Variants in DSE observed in about 807,000 individuals in gnomAD.
DSE encodes the protein dermatan sulfate epimerase, also known as dermatan-sulfate epimerase.
DSE carries 36 observed loss-of-function variants against 84.4 expected under a neutral mutation model. The observed-to-expected ratio is 0.43, with a 90% CI of 0.33 to 0.56. The LOEUF (loss-of-function observed/expected upper bound fraction) is 0.56. DSE is among the 20% of genes least tolerant of loss of function. The probability of loss-of-function intolerance (pLI) is 0.06; values close to 1 mark genes in which losing one functional copy is unlikely to be tolerated. For missense variants in DSE, 862 were observed against 1,169.6 expected, an observed-to-expected ratio of 0.74 and a Z score of 3.84; for synonymous variants, 410 against 430.1, an observed-to-expected ratio of 0.95 and a Z score of 0.58.
chr6:116,388,609 C>T (rs951461607), intron 1 of DSE, among the ~76,000 whole-genome samples: 1 of 152,166 alleles, frequency 6.6e-6, no homozygotes, highest in African/African-American at 2.4e-5. Flanking sequence ...AGATAATATA[C>T]ATTGGCATTT....
intron 4 of DSE, among the ~76,000 whole-genome samples, chr6:116,431,915 C>A (rs1783865342): frequency 6.6e-6 from 1 of 152,124 alleles, no homozygotes; most frequent in African/African-American, 2.4e-5. Flanking sequence ...AGATTCCCCC[C>A]CTTCCCCAAG....
rs186822025 is a variant in DSE, at chr6:116,334,035, C to T, written c.-53-65163C>T. Among the ~76,000 whole-genome samples, 121 of 152,312 alleles carry T rather than the reference C, an allele frequency of 7.9e-4. 1 individual carries two copies. Among genetic ancestry groups the T allele is most frequent in the Non-Finnish European group, 1.0e-3 (70 of 68,028 alleles). On this transcript the variant is annotated intron_variant, in intron 2 of 3. Coordinates refer to the DSE transcript ENST00000430252. ...GTTTGACTCTTTGCTATACTGATCTCTCTCCTAGATGCTTTATTTTAATGT... is the reference window on the plus strand; with the variant it reads ...GTTTGACTCTTTGCTATACTGATCTTTCTCCTAGATGCTTTATTTTAATGT...
chr6:116,421,342 A>C (rs1445333870), intron 2 of DSE, among the ~76,000 whole-genome samples: 2 of 150,418 alleles, frequency 1.3e-5, no homozygotes, highest in Non-Finnish European at 3.0e-5. Context: ...AAAACTGAGA[A>C]GTTTGAAACA....
chr6:116,279,585 C>G, intron 2 of DSE: 2 of 1,602,296 alleles, frequency 1.2e-6, no homozygotes, highest in South Asian at 1.1e-5. Flanking sequence ...CAACTCGGAT[C>G]TGGGGAGTAC....
At chr6:116,365,512 C>G (rs1284917117), upstream of DSE, among the ~76,000 whole-genome samples, 1 of 152,158 alleles carries the variant, frequency 6.6e-6, no homozygotes, top group Non-Finnish European at 1.5e-5. Flanking sequence ...CTCGGCCTCC[C>G]AAAGTGCTGG....
chr6:116,280,509 T>C (rs550168663), intron 2 of DSE, among the ~76,000 whole-genome samples: 14 of 152,340 alleles, frequency 9.2e-5, no homozygotes, highest in Non-Finnish European at 1.6e-4. Context: ...TCGGTAGAAA[T>C]TAAGCCAGGA....
chr6:116,361,385 A>G lies in DSE; in HGVS notation c.-53-37813A>G, dbSNP rs531646657. ...AATATAAGTTTTAACATCAAGAAATACCCATAGCTTCTTAGTTTATATGGC... is the reference window on the plus strand; with the variant it reads ...AATATAAGTTTTAACATCAAGAAATGCCCATAGCTTCTTAGTTTATATGGC... On this transcript the variant is annotated intron_variant, in intron 2 of 3. Coordinates refer to the DSE transcript ENST00000430252. Among the ~76,000 whole-genome samples, 29 of 152,238 alleles carry G rather than the reference A, an allele frequency of 1.9e-4. 1 individual carries two copies. The South Asian group carries it at 2.9e-3, about 15-fold the overall frequency.
chr6:116,320,103 A>G (rs1776211678), intron 2 of DSE, among the ~76,000 whole-genome samples: 1 of 152,222 alleles, frequency 6.6e-6, no homozygotes, highest in South Asian at 2.1e-4. Context: ...TGTTGGCCAA[A>G]TATGGGTTTT....
At chr6:116,332,838 A>T (rs183769231) in intron 2 of DSE, among the ~76,000 whole-genome samples, 7 of 152,312 alleles carry the variant, frequency 4.6e-5, no homozygotes, top group African/African-American at 1.4e-4. Flanking sequence ...ATCAATATAT[A>T]AAAAAATCCA....
intron 2 of DSE, among the ~76,000 whole-genome samples, chr6:116,318,508 A>C (rs1776122111): frequency 1.0e-4 from 1 of 9,768 alleles, no homozygotes; most frequent in Non-Finnish European, 5.8e-4. Context: ...TCTCAAAAGA[A>C]AAAAAAAAAA....
At chr6:116,373,074 G>T (rs1334794121) in intron 1 of DSE, among the ~76,000 whole-genome samples, 6 of 149,148 alleles carry the variant, frequency 4.0e-5, no homozygotes, top group Admixed American at 3.3e-4. Flanking sequence ...AAAAAAAAGG[G>T]CTGGGTGCGG....
At chr6:116,368,161 T>C (rs978308435), upstream of DSE, among the ~76,000 whole-genome samples, 3 of 152,166 alleles carry the variant, frequency 2.0e-5, 1 homozygote, top group South Asian at 6.2e-4. Flanking sequence ...TTCCTAATCC[T>C]TCAGCTAAGG....
chr6:116,311,499 A>G (rs1775693590), intron 2 of DSE, among the ~76,000 whole-genome samples: 1 of 152,228 alleles, frequency 6.6e-6, no homozygotes, highest in Non-Finnish European at 1.5e-5. Context: ...TTTTGCTTGT[A>G]ACAACAAAAA....
chr6:116,323,056 C>T (rs1202726178), intron 2 of DSE, among the ~76,000 whole-genome samples: 3 of 152,086 alleles, frequency 2.0e-5, no homozygotes, highest in African/African-American at 7.2e-5. Flanking sequence ...CAGTATTTTG[C>T]GCTTTACTGG....
At chr6:116,279,540 C>T (rs1773364923) in intron 2 of DSE, 1 of 1,605,238 alleles carries the variant, frequency 6.2e-7, no homozygotes, top group Non-Finnish European at 8.5e-7. Context: ...CCTCTTCCTG[C>T]CCGGCTTTGA....
chr6:116,368,651 A>T (rs922350373), upstream of DSE, among the ~76,000 whole-genome samples: 2 of 152,220 alleles, frequency 1.3e-5, no homozygotes, highest in East Asian at 3.8e-4. Context: ...GGATATACTT[A>T]GGGAAATACA....
chr6:116,374,668 C>T (rs150299693), intron 1 of DSE, among the ~76,000 whole-genome samples: 2 of 152,188 alleles, frequency 1.3e-5, no homozygotes, highest in Non-Finnish European at 2.9e-5. Context: ...GCTTTCTTGC[C>T]GGTGGGGACT....
At chr6:116,298,684 T>C (rs1774815072) in intron 2 of DSE, among the ~76,000 whole-genome samples, 1 of 152,212 alleles carries the variant, frequency 6.6e-6, no homozygotes. Context: ...TGATAATGTT[T>C]TACAGCAGCT....
intron 2 of DSE, chr6:116,423,009 G>A (rs921095538): frequency 6.6e-6 from 1 of 152,128 alleles, no homozygotes; most frequent in Non-Finnish European, 1.5e-5. Flanking sequence ...TAACTAACTT[G>A]CCAGTGAACC....
Sources: allele counts gnomAD v4.1 joint callset (sites outside exome capture counted in the v4.1 genomes callset), GRCh38; gene constraint gnomAD v4.1.1; transcripts MANE v1.5; gene names NCBI Gene and HGNC (gene_info 2026-07-23, HGNC 2026-07-21).